Variants in PTPRG observed in about 807,000 individuals in gnomAD.
The protein encoded by PTPRG is protein tyrosine phosphatase receptor type G, also known as receptor-type tyrosine-protein phosphatase gamma.
In PTPRG, 102 loss-of-function variants were observed where a neutral mutation model predicts 165.3. The observed-to-expected ratio is 0.62, with a 90% CI of 0.53 to 0.73. The LOEUF (loss-of-function observed/expected upper bound fraction) is 0.73. Among genes scored for constraint, PTPRG ranks in the 30% least tolerant of loss-of-function variants. PTPRG has a pLI of 0.00. For missense variants in PTPRG, 1,866 were observed against 1,861.4 expected (o/e 1.00, Z -0.05); for synonymous variants, 675 against 669.5 (o/e 1.01, Z -0.13).
chr3:62,056,386 C>G (rs4688282), intron 4 of PTPRG, among the ~76,000 whole-genome samples: 1 of 152,138 alleles, frequency 6.6e-6, no homozygotes, highest in Non-Finnish European at 1.5e-5. Context: ...TGGCCCAACA[C>G]AAATTTGTAA....
At chr3:62,285,155 C>T (rs73087845) in intron 28 of PTPRG, among the ~76,000 whole-genome samples, 44 of 152,202 alleles carry the variant, frequency 2.9e-4, no homozygotes, top group Non-Finnish European at 5.3e-4. Flanking sequence ...TCCCAGTCTC[C>T]ACCGGGGGAA....
intron 5 of PTPRG, among the ~76,000 whole-genome samples, chr3:62,104,272 A>G (rs1702396847): frequency 6.6e-6 from 1 of 152,190 alleles, no homozygotes; most frequent in South Asian, 2.1e-4. Flanking sequence ...AAATGATTGT[A>G]TATAGCCCTG....
At chr3:62,290,139 C>T (rs1702828022) in intron 28 of PTPRG, among the ~76,000 whole-genome samples, 1 of 151,712 alleles carries the variant, frequency 6.6e-6, no homozygotes, top group South Asian at 2.1e-4. Flanking sequence ...CTCTAAAGTA[C>T]CTAAAAATTT....
At chr3:61,751,812 A>G (rs1421061461) in intron 2 of PTPRG, among the ~76,000 whole-genome samples, 2 of 152,022 alleles carry the variant, frequency 1.3e-5, no homozygotes, top group East Asian at 3.9e-4. Flanking sequence ...AACACGGTGA[A>G]ATCCCGTCTC....
chr3:62,297,516 TTC>T lies in PTPRG; in HGVS notation c.*4211_*4212del, dbSNP rs903459248. 1.1e-4 allele frequency: 17 copies of T among 151,982 alleles called. No individual in the cohort carries two copies. Among genetic ancestry groups the T allele is most frequent in the African/African-American group, 4.1e-4 (17 of 41,424 alleles). 9.4% of individuals were successfully genotyped at this position (151,982 alleles called of 1,614,324 possible). Reference sequence around the variant, plus strand: ...GTAACCTGAAATTTTTCCCTTTTTCTTCTGTTTAAACTATATCAAATCATTCT... The same window carrying T: ...GTAACCTGAAATTTTTCCCTTTTTCTTGTTTAAACTATATCAAATCATTCT... On this transcript the variant is annotated 3_prime_UTR_variant, in exon 30 of 30. Coordinates refer to ENST00000474889, the MANE Select transcript of PTPRG (RefSeq NM_002841.4).
At chr3:61,989,405 T>A (rs529361072) in intron 2 of PTPRG, among the ~76,000 whole-genome samples, 1 of 152,344 alleles carries the variant, frequency 6.6e-6, no homozygotes, top group African/African-American at 2.4e-5. Flanking sequence ...AGTTAGCAAA[T>A]GTTTGATTGT....
chr3:61,952,077 C>T (rs2039912364), intron 2 of PTPRG, among the ~76,000 whole-genome samples: 1 of 144,728 alleles, frequency 6.9e-6, no homozygotes, highest in African/African-American at 2.6e-5. Flanking sequence ...GAGATCACGC[C>T]ACAGCACTGC....
At chr3:61,853,446 G>T (rs537409211) in intron 2 of PTPRG, among the ~76,000 whole-genome samples, 12 of 152,154 alleles carry the variant, frequency 7.9e-5, no homozygotes, top group Admixed American at 7.2e-4. Context: ...TCATTAGAAC[G>T]CTGGGGAAGA....
chr3:61,700,939 C>T (rs894511232), intron 1 of PTPRG, among the ~76,000 whole-genome samples: 5 of 152,170 alleles, frequency 3.3e-5, no homozygotes, highest in Non-Finnish European at 2.9e-5. Flanking sequence ...GTAAGCTTTG[C>T]CCCTATCCGG....
At chr3:62,114,230 C>A (rs1370306421) in intron 5 of PTPRG, among the ~76,000 whole-genome samples, 1 of 151,978 alleles carries the variant, frequency 6.6e-6, no homozygotes, top group Admixed American at 6.6e-5. Context: ...ACTTGGGAGG[C>A]GGAGGTTGTA....
chr3:62,218,822 C>T (rs1032433738), intron 12 of PTPRG, 29 bp from the exon 13 acceptor site: 2 of 1,606,002 alleles, frequency 1.2e-6, no homozygotes, highest in African/African-American at 1.3e-5. Context: ...TAACCTCTGT[C>T]CTCTAACTGG....
Position 61,724,012 on chromosome 3 carries a change from A to C in PTPRG, c.86-24866A>C, listed in dbSNP as rs541521104. 3.9e-5 allele frequency among the ~76,000 whole-genome samples: 6 copies of C among 152,198 alleles called. No homozygotes were observed. In the South Asian group the frequency reaches 1.2e-3, roughly 32 times the overall value. On this transcript the variant is annotated intron_variant, in intron 1 of 29. Transcript: ENST00000474889. ...TTTGGGAGGCTGAGGCGGGTGGATC[A>C]CTTGAGGTCAAGAGTTTGAGACCAG...
intron 2 of PTPRG, among the ~76,000 whole-genome samples, chr3:61,846,081 A>G (rs938456915): frequency 6.6e-6 from 1 of 152,210 alleles, no homozygotes; most frequent in Non-Finnish European, 1.5e-5. Flanking sequence ...CATCCATTAA[A>G]TAGGGATAAT....
chr3:61,631,710 T>C (rs1348431309), intron 1 of PTPRG, among the ~76,000 whole-genome samples: 1 of 152,208 alleles, frequency 6.6e-6, no homozygotes, highest in Non-Finnish European at 1.5e-5. Context: ...TTAAATACTA[T>C]AAAAGTGCTT....
At chr3:61,563,339 C>T (rs1370692587) in intron 1 of PTPRG, among the ~76,000 whole-genome samples, 2 of 152,158 alleles carry the variant, frequency 1.3e-5, no homozygotes, top group Admixed American at 6.5e-5. Flanking sequence ...GAATAAATCA[C>T]CGCACGTAAC....
At chr3:62,148,229 G>A (rs1477750613) in intron 6 of PTPRG, among the ~76,000 whole-genome samples, 2 of 152,148 alleles carry the variant, frequency 1.3e-5, no homozygotes, top group Non-Finnish European at 2.9e-5. Flanking sequence ...AGGATGAAAA[G>A]GCATCATCTC....
chr3:62,123,630 A>G (rs1379734676), intron 5 of PTPRG, among the ~76,000 whole-genome samples: 2 of 152,170 alleles, frequency 1.3e-5, no homozygotes, highest in South Asian at 2.1e-4. Context: ...AAACTTTTAT[A>G]AAAAGTTTAT....
chr3:61,749,359 A>G, intron 2 of PTPRG: 1 of 350,344 alleles, frequency 2.9e-6, no homozygotes, highest in South Asian at 2.2e-5. Flanking sequence ...TCTGCTAAAC[A>G]TTACAAACAT....
rs543926281 is a variant in PTPRG at position 62,179,236 on chromosome 3, G to T, written c.1033+11073G>T. Among the ~76,000 whole-genome samples the T allele has an allele frequency of 1.5e-3, 234 of 152,306 alleles. 1 individual carries two copies. In the Middle Eastern group the frequency reaches 0.065, roughly 42 times the overall value. ...AGACCCAGAAGAGGGAGCCCCATGT[G>T]GTGTCCTCTTGAGTCAGGCTTTTCT... On this transcript the variant is annotated intron_variant, in intron 8 of 29. Coordinates refer to ENST00000474889, the MANE Select transcript of PTPRG (RefSeq NM_002841.4).
Sources: allele counts gnomAD v4.1 joint callset (sites outside exome capture counted in the v4.1 genomes callset), GRCh38; gene constraint gnomAD v4.1.1; transcripts MANE v1.5; gene names NCBI Gene and HGNC (gene_info 2026-07-23, HGNC 2026-07-21).